Variants in TUBGCP3 observed in about 807,000 individuals in gnomAD.
The protein encoded by TUBGCP3 is tubulin gamma complex component 3.
TUBGCP3 carries 50 observed loss-of-function variants against 123.1 expected under a neutral mutation model. The ratio of observed to expected loss-of-function variants is 0.41; its 90% CI spans 0.32 to 0.51. TUBGCP3 has a LOEUF of 0.51. TUBGCP3 is among the 20% of genes least tolerant of loss of function. The pLI, the probability that TUBGCP3 is intolerant of heterozygous loss-of-function variation, is 0.36. For missense variants in TUBGCP3, 882 were observed against 1,127.0 expected (o/e 0.78, Z 3.11); for synonymous variants, 405 against 413.9 (o/e 0.98, Z 0.26).
intron 21 of TUBGCP3, 60 bp downstream of exon 21, chr13:112,489,521 T>C: frequency 8.3e-7 from 1 of 1,199,560 alleles, no homozygotes; most frequent in Admixed American, 1.7e-5. Context: ...TGAAAGCAAC[T>C]GTCAGGTACA....
At chr13:112,498,792 G>A in intron 20 of TUBGCP3, 1 of 1,548,850 alleles carries the variant, frequency 6.5e-7, no homozygotes, top group Middle Eastern at 1.7e-4. Context: ...ATGAAAACGG[G>A]CAGGAGATTT....
chr13:112,532,468 T>C (rs1877661000), intron 11 of TUBGCP3, among the ~76,000 whole-genome samples: 1 of 152,236 alleles, frequency 6.6e-6, no homozygotes, highest in African/African-American at 2.4e-5. Context: ...CAAGTTTAAT[T>C]TTAACTTGAC....
At chr13:112,491,388 G>T (rs1033542072) in intron 20 of TUBGCP3, among the ~76,000 whole-genome samples, 1 of 152,046 alleles carries the variant, frequency 6.6e-6, no homozygotes, top group Admixed American at 6.5e-5. Flanking sequence ...GTTTGCTTGT[G>T]GTTTTCTAAG....
rs929792925 is a variant in TUBGCP3 at position 112,489,445 on chromosome 13, T to A, written c.2565+136A>T. 4.8e-5 allele frequency: 34 copies of A among 710,328 alleles called. No individual in the cohort carries two copies. In the African/African-American group the frequency reaches 5.2e-4, roughly 11 times the overall value. The allele number at this position is 710,328 out of a possible 1,614,324, so 44.0% of individuals were successfully genotyped here. The stretch of plus-strand genomic sequence containing the variant: ...CCCCAGAGGGTCACAGGGTCCACCA[T>A]GGGTGCTACTCACACCTACACAAAT... On this transcript the variant is annotated intron_variant, in intron 21 of 21. Coordinates refer to ENST00000261965, the MANE Select transcript of TUBGCP3 (RefSeq NM_006322.6).
intron 17 of TUBGCP3, among the ~76,000 whole-genome samples, chr13:112,509,297 G>C (rs544980679): frequency 6.6e-6 from 1 of 152,290 alleles, no homozygotes; most frequent in African/African-American, 2.4e-5. Context: ...TGCCCTAATA[G>C]GCCATGAGCT....
rs969024455 is a variant in TUBGCP3 at position 112,519,662 on chromosome 13, C to T, written c.1881+224G>A. Among the ~76,000 whole-genome samples, 2 of 152,210 alleles carry T rather than the reference C, an allele frequency of 1.3e-5. No homozygotes were observed. Among genetic ancestry groups the T allele is most frequent in the South Asian group, 2.1e-4 (1 of 4,818 alleles). On this transcript the variant is annotated intron_variant, in intron 15 of 21. Coordinates refer to ENST00000261965, the MANE Select transcript of TUBGCP3 (RefSeq NM_006322.6). This position sits in a 1 kb window ranked among gnomAD's most constrained non-coding sequence, Gnocchi z 6.2. Reference sequence around the variant, plus strand: ...AGCCTAGCAGCCCTGCAAGGCTCCCCGCTGCAAGATGGGCAAACGGAAACC... The same window carrying T: ...AGCCTAGCAGCCCTGCAAGGCTCCCTGCTGCAAGATGGGCAAACGGAAACC...
At chr13:112,559,280 G>A (rs373560773) in intron 4 of TUBGCP3, 42 bp downstream of exon 4, 1 of 1,549,616 alleles carries the variant, frequency 6.5e-7, no homozygotes, top group Non-Finnish European at 8.8e-7. Flanking sequence ...GTCAGCCAGG[G>A]TGTCCCGACG....
At chr13:112,530,605 G>A (rs939414680) in intron 11 of TUBGCP3, among the ~76,000 whole-genome samples, 1 of 152,242 alleles carries the variant, frequency 6.6e-6, no homozygotes, top group African/African-American at 2.4e-5. Context: ...TGCAGGACAT[G>A]AGTATGTGTG....
At position 112,494,662 on chromosome 13, in the gene TUBGCP3, G is replaced by A. The variant is rs559887272; in HGVS notation, c.2448+4383C>T. Among the ~76,000 whole-genome samples the A allele has an allele frequency of 6.6e-5, 10 of 152,288 alleles. No homozygotes were observed. In the East Asian group the frequency reaches 1.7e-3, roughly 26 times the overall value. On this transcript the variant is annotated intron_variant, in intron 20 of 21. Transcript: ENST00000261965. ...CGACTATAAACTTATATCCATGGTG[G>A]CTGGACTAATCCATGTTCCCTCCGC...
intron 2 of TUBGCP3, among the ~76,000 whole-genome samples, chr13:112,567,855 T>G (rs999501310): frequency 6.6e-6 from 1 of 152,214 alleles, no homozygotes; most frequent in Non-Finnish European, 1.5e-5. Flanking sequence ...GGTGGAAAAC[T>G]GTGCCACGCA....
rs1878892054 is a variant in TUBGCP3 at position 112,545,258 on chromosome 13, C to T, written c.1335+441G>A. ...TTACACAACAGTGATTTTTAAGCAGCACATGCTGCGTTACAGAACTGACCC... is the reference window on the plus strand; with the variant it reads ...TTACACAACAGTGATTTTTAAGCAGTACATGCTGCGTTACAGAACTGACCC... On this transcript the variant is annotated intron_variant, in intron 11 of 21. Coordinates refer to ENST00000261965, the MANE Select transcript of TUBGCP3 (RefSeq NM_006322.6). The surrounding 1 kb of genome is among the most constrained non-coding windows in gnomAD (Gnocchi z 4.1). The T allele has an allele frequency of 6.2e-6, 1 of 162,454 alleles. No homozygotes were observed. Among genetic ancestry groups the T allele is most frequent in the Non-Finnish European group, 1.4e-5 (1 of 73,470 alleles). 10.1% of individuals were successfully genotyped at this position (162,454 alleles called of 1,614,324 possible). A position where few individuals can be genotyped will look rare whatever the true frequency, so the allele number is the denominator to read the frequency against.
At chr13:112,507,405 T>G (rs1881376998) in intron 17 of TUBGCP3, among the ~76,000 whole-genome samples, 1 of 152,234 alleles carries the variant, frequency 6.6e-6, no homozygotes, top group Non-Finnish European at 1.5e-5. Flanking sequence ...CAGAGAAGGT[T>G]GAAGCTGAAT....
At chr13:112,596,226 CTT>C in the TUBGCP3 span, among the ~76,000 whole-genome samples, 1 of 152,146 alleles carries the variant, frequency 6.6e-6, no homozygotes, top group African/African-American at 2.4e-5. Context: ...TTTCATTGTA[CTT>C]TCTTCCTGAT....
At position 112,558,329 on chromosome 13, in the gene TUBGCP3, G is replaced by A; in HGVS notation, c.415C>T (p.Leu139Phe). ...CTCCGATCTTGGTAGCTCAGGGGAA[G>A]GGTCTGAGGCCTGGCATAGTAGTAA... ...TPYYYARPQT[L>F]PLSYQDRSAQ... Residue 139 changes from leucine (L) to phenylalanine (F), a missense_variant, in exon 5 of 22, where the codon CTT becomes TTT. Transcript: ENST00000261965. 1 of 1,613,994 alleles carries A rather than the reference G, an allele frequency of 6.2e-7. No homozygotes were observed. The highest frequency in any genetic ancestry group is 8.5e-7 in the Non-Finnish European group (1 of 1,179,914).
In TUBGCP3 at chr13:112,504,012, T is replaced by A; in HGVS notation, c.2307+20A>T. On this transcript the variant is annotated intron_variant, in intron 19 of 21. Coordinates refer to ENST00000261965, the MANE Select transcript of TUBGCP3 (RefSeq NM_006322.6). The stretch of plus-strand genomic sequence containing the variant: ...GATGATTCTTTTGGTTTCTTGTTTC[T>A]AAGCAGGTCGGAGTCTTACCCTGGA... 2.5e-6 allele frequency: 4 copies of A among 1,583,390 alleles called. No individual in the cohort carries two copies. The highest frequency in any genetic ancestry group is 3.4e-6 in the Non-Finnish European group (4 of 1,162,230).
At chr13:112,530,708 A>T (rs1196255189) in intron 11 of TUBGCP3, among the ~76,000 whole-genome samples, 1 of 152,232 alleles carries the variant, frequency 6.6e-6, no homozygotes, top group East Asian at 1.9e-4. Context: ...GATCATTTTA[A>T]TAAGCCTTGG....
chr13:112,556,156 G>A lies in TUBGCP3; in HGVS notation c.617C>T (p.Thr206Ile), dbSNP rs200242803. Reference protein sequence around the residue: ...RQQLGSRLAWTLTANQPSSQA... With the variant: ...RQQLGSRLAWILTANQPSSQA... ...TGAAGAAGGCTGATTTGCAGTTAAA[G>A]TCCATGCGAGTCGTGACCCCAACTG... The change falls in exon 6 of 22, where the codon ACT becomes ATT. Residue 206 changes from threonine to isoleucine, a missense_variant. By Grantham distance (89) the Thr-to-Ile change is moderately conservative. Coordinates refer to ENST00000261965, the MANE Select transcript of TUBGCP3 (RefSeq NM_006322.6). 292 of 1,614,124 alleles carry A rather than the reference G, an allele frequency of 1.8e-4. 1 individual carries two copies. The highest frequency in any genetic ancestry group is 8.2e-4 in the Middle Eastern group (5 of 6,062).
chr13:112,585,469 T>C (rs1882541954), intron 1 of TUBGCP3, among the ~76,000 whole-genome samples: 1 of 152,168 alleles, frequency 6.6e-6, no homozygotes, highest in Non-Finnish European at 1.5e-5. Flanking sequence ...ACATAATTTA[T>C]TCAGAGAGGG....
intron 20 of TUBGCP3, among the ~76,000 whole-genome samples, chr13:112,497,547 T>G (rs1243242077): frequency 6.6e-6 from 1 of 152,226 alleles, no homozygotes; most frequent in African/African-American, 2.4e-5. Flanking sequence ...ATAATGTCTT[T>G]GACAATCCCA....
Sources: allele counts gnomAD v4.1 joint callset (sites outside exome capture counted in the v4.1 genomes callset), GRCh38; gene constraint gnomAD v4.1.1; non-coding constraint Gnocchi (gnomAD v3.1); transcripts MANE v1.5; gene names NCBI Gene and HGNC (gene_info 2026-07-23, HGNC 2026-07-21).